Variants in ADAMTS17 observed in about 807,000 individuals in gnomAD.
ADAMTS17 encodes the protein ADAM metallopeptidase with thrombospondin type 1 motif 17.
ADAMTS17 carries 113 observed loss-of-function variants against 141.5 expected under a neutral mutation model. The observed-to-expected ratio is 0.80, with a 90% CI of 0.69 to 0.93. The LOEUF (loss-of-function observed/expected upper bound fraction) is 0.93, where lower values mean the gene tolerates loss of function less well. Among genes scored for constraint, ADAMTS17 ranks in the 40% least tolerant of loss-of-function variants. The probability of loss-of-function intolerance (pLI) is 0.00; values close to 1 mark genes in which losing one functional copy is unlikely to be tolerated. For synonymous variants in ADAMTS17, 768 were observed against 630.6 expected (o/e 1.22, Z -3.27); for missense variants, 1,659 against 1,517.9 (o/e 1.09, Z -1.54).
At chr15:100,062,812 T>C (rs1230653267) in intron 15 of ADAMTS17, among the ~76,000 whole-genome samples, 1 of 152,096 alleles carries the variant, frequency 6.6e-6, no homozygotes, top group African/African-American at 2.4e-5. Context: ...CTGAGGAAGA[T>C]CAGCCACCTT....
chr15:99,992,028 G>A (rs368644206), intron 20 of ADAMTS17, among the ~76,000 whole-genome samples: 1 of 152,038 alleles, frequency 6.6e-6, no homozygotes, highest in African/African-American at 2.4e-5. Context: ...GTCGTAGGGT[G>A]GGGGGCTAGG....
chr15:100,179,902 G>C (rs779911241), intron 8 of ADAMTS17, among the ~76,000 whole-genome samples: 1 of 152,142 alleles, frequency 6.6e-6, no homozygotes, highest in Non-Finnish European at 1.5e-5. Flanking sequence ...AGTTGTTTGA[G>C]CTCCTTATGT....
intron 10 of ADAMTS17, among the ~76,000 whole-genome samples, chr15:100,139,596 G>A (rs970284953): frequency 1.3e-5 from 2 of 152,212 alleles, no homozygotes; most frequent in African/African-American, 4.8e-5. Flanking sequence ...AGTAAGTTAC[G>A]GTGGAGTATC....
At chr15:100,015,654 G>A (rs1472404991) in intron 18 of ADAMTS17, among the ~76,000 whole-genome samples, 2 of 152,142 alleles carry the variant, frequency 1.3e-5, no homozygotes, top group Non-Finnish European at 2.9e-5. Flanking sequence ...CAAAATACTT[G>A]GCTGATAATT....
intron 12 of ADAMTS17, among the ~76,000 whole-genome samples, chr15:100,120,741 G>A (rs143425099): frequency 1.1e-3 from 167 of 152,288 alleles, no homozygotes; most frequent in African/African-American, 3.9e-3. Context: ...AAACACCCTG[G>A]GGAAGGGGTA....
At chr15:100,271,009 G>A (rs2043889810) in intron 4 of ADAMTS17, among the ~76,000 whole-genome samples, 1 of 151,642 alleles carries the variant, frequency 6.6e-6, no homozygotes, top group Admixed American at 6.6e-5. Flanking sequence ...TTGTTCTTTG[G>A]TGACTGGCTC....
chr15:100,140,855 G>T (rs1026348092), intron 10 of ADAMTS17, among the ~76,000 whole-genome samples: 1 of 152,018 alleles, frequency 6.6e-6, no homozygotes, highest in African/African-American at 2.4e-5. Flanking sequence ...TGTGCTCAGC[G>T]ACATGCCGTT....
intron 18 of ADAMTS17, among the ~76,000 whole-genome samples, chr15:99,998,096 A>G (rs1224480754): frequency 3.3e-5 from 5 of 152,158 alleles, no homozygotes; most frequent in African/African-American, 9.7e-5. Flanking sequence ...GAGATGTTGC[A>G]GTTGTTTGTT....
chr15:100,240,920 G>T (rs2042809957), intron 7 of ADAMTS17, among the ~76,000 whole-genome samples: 1 of 152,090 alleles, frequency 6.6e-6, no homozygotes, highest in Admixed American at 6.5e-5. Context: ...CCGCCTCCCG[G>T]GTTCAAGCGA....
rs908687468 is a variant in ADAMTS17, at chr15:100,072,016, C to A, written c.2138-17962G>T. Among the ~76,000 whole-genome samples the A allele has an allele frequency of 8.7e-5, 13 of 150,176 alleles. 3 individuals are homozygous for A. The highest frequency in any genetic ancestry group is 1.9e-4 in the Non-Finnish European group (13 of 67,506). ...GTATATCTAGAAAACCCCACCATCT[C>A]AGCCCAAAATCTCCTTGAGCTGATA... On this transcript the variant is annotated intron_variant, in intron 15 of 21. Transcript: ENST00000268070.
intron 3 of ADAMTS17, among the ~76,000 whole-genome samples, chr15:100,286,108 C>T (rs992867482): frequency 6.6e-6 from 1 of 152,298 alleles, no homozygotes; most frequent in African/African-American, 2.4e-5. Flanking sequence ...TCCACCGACG[C>T]GACCAGCCCA....
intron 1 of ADAMTS17, 80 bp downstream of exon 1, chr15:100,341,741 G>C: frequency 2.0e-6 from 3 of 1,487,254 alleles, no homozygotes; most frequent in Non-Finnish European, 2.7e-6. Flanking sequence ...CCGCCCCCGG[G>C]CCGCCAGGAC....
At chr15:100,261,393 A>G (rs1483735808) in intron 6 of ADAMTS17, 86 bp downstream of exon 6, 7 of 1,588,976 alleles carry the variant, frequency 4.4e-6, no homozygotes, top group Non-Finnish European at 6.0e-6. Flanking sequence ...TCCAAGCCTG[A>G]GTTCTTAACA....
chr15:99,980,817 T>G (rs1425304476), intron 20 of ADAMTS17: 1 of 152,254 alleles, frequency 6.6e-6, no homozygotes, highest in Admixed American at 6.5e-5. Context: ...ATCGTAAAAC[T>G]CAGGCATTTG....
At chr15:100,210,069 C>T (rs1236848086) in intron 7 of ADAMTS17, among the ~76,000 whole-genome samples, 2 of 151,904 alleles carry the variant, frequency 1.3e-5, no homozygotes, top group East Asian at 3.9e-4. Flanking sequence ...CCCGTCTCTA[C>T]TAAAAGTACA....
chr15:100,057,527 G>A (rs910320345), intron 15 of ADAMTS17, among the ~76,000 whole-genome samples: 2 of 152,158 alleles, frequency 1.3e-5, no homozygotes, highest in African/African-American at 4.8e-5. Context: ...GCCCTGAGCT[G>A]GGGCCCCAGG....
chr15:100,242,823 G>T (rs908584858), intron 7 of ADAMTS17, among the ~76,000 whole-genome samples: 3 of 152,168 alleles, frequency 2.0e-5, no homozygotes, highest in African/African-American at 7.2e-5. Flanking sequence ...ATTATGTAAA[G>T]TATACATAAC....
intron 7 of ADAMTS17, among the ~76,000 whole-genome samples, chr15:100,207,728 C>G (rs1483809041): frequency 6.6e-6 from 1 of 152,132 alleles, no homozygotes; most frequent in African/African-American, 2.4e-5. Flanking sequence ...CAGAGAAGTG[C>G]CATCCCTCAG....
chr15:100,118,273 C>T (rs2037265703), intron 12 of ADAMTS17, among the ~76,000 whole-genome samples: 1 of 152,230 alleles, frequency 6.6e-6, no homozygotes, highest in Non-Finnish European at 1.5e-5. Context: ...TTATAAACAC[C>T]TGGTGGTAAG....
Sources: gnomAD v4.1 joint callset for allele counts (sites outside exome capture counted in the v4.1 genomes callset) on GRCh38, gnomAD v4.1.1 for gene constraint, MANE v1.5 for transcripts, NCBI Gene and HGNC (gene_info 2026-07-23, HGNC 2026-07-21) for gene names.